SOX5: variants seen among roughly 807,000 people sequenced by gnomAD.
SOX5 encodes the protein transcription factor SOX-5.
In SOX5, 9 loss-of-function variants were observed where a neutral mutation model predicts 92.0. The ratio of observed to expected loss-of-function variants is 0.10; its 90% CI spans 0.06 to 0.17. SOX5 has a LOEUF of 0.17. SOX5 is among the 10% of genes least tolerant of loss of function. SOX5 has a pLI of 1.00. For missense variants in SOX5, 642 were observed against 944.5 expected (o/e 0.68, Z 4.20); for synonymous variants, 344 against 336.3 (o/e 1.02, Z -0.25).
intron 7 of SOX5, among the ~76,000 whole-genome samples, chr12:23,648,641 G>A (rs1383633889): frequency 6.6e-6 from 1 of 152,254 alleles, no homozygotes; most frequent in East Asian, 1.9e-4. Context: ...AGGCTGCAAA[G>A]AGTGGTATCA....
intron 4 of SOX5, among the ~76,000 whole-genome samples, chr12:24,104,426 A>G (rs1003760864): frequency 6.6e-6 from 1 of 152,224 alleles, no homozygotes; most frequent in Non-Finnish European, 1.5e-5. Flanking sequence ...ATACACACCT[A>G]TAAGATACCA....
At chr12:24,339,163 C>CCACACACA (rs56243419) in intron 2 of SOX5, among the ~76,000 whole-genome samples, 10,553 of 140,352 alleles carry the variant, frequency 0.075, 493 homozygotes, top group African/African-American at 0.12. Context: ...TCTCTCTCTG[C>CCACACACA]CACACACACA....
At chr12:24,424,719 C>G (rs1367685006) in intron 1 of SOX5, among the ~76,000 whole-genome samples, 2 of 150,822 alleles carry the variant, frequency 1.3e-5, no homozygotes, top group African/African-American at 4.9e-5. Flanking sequence ...GAATTTTGAT[C>G]TTAAGGCAAC....
At chr12:24,466,164 G>A (rs146839595) in intron 1 of SOX5, among the ~76,000 whole-genome samples, 170 of 152,208 alleles carry the variant, frequency 1.1e-3, no homozygotes, top group African/African-American at 3.8e-3. Flanking sequence ...ACAGATCTGA[G>A]AAAGCCCTCA....
intron 6 of SOX5, among the ~76,000 whole-genome samples, chr12:23,677,423 A>T (rs1250695099): frequency 6.6e-6 from 1 of 152,202 alleles, no homozygotes; most frequent in African/African-American, 2.4e-5. Context: ...TCAAATTGAG[A>T]CACTGTGTGC....
chr12:24,204,689 G>T (rs1333860520), intron 4 of SOX5, among the ~76,000 whole-genome samples: 3 of 152,132 alleles, frequency 2.0e-5, no homozygotes, highest in Non-Finnish European at 4.4e-5. Flanking sequence ...AAGTGGCATT[G>T]CTGGGTCAAA....
chr12:24,065,475 T>A (rs996061350), intron 4 of SOX5, among the ~76,000 whole-genome samples: 3 of 151,680 alleles, frequency 2.0e-5, no homozygotes, highest in Admixed American at 1.3e-4. Context: ...GGTGAAACCC[T>A]GTCTCTACTA....
chr12:23,796,406 T>G (rs1206522938), intron 3 of SOX5, among the ~76,000 whole-genome samples: 1 of 152,050 alleles, frequency 6.6e-6, no homozygotes, highest in Non-Finnish European at 1.5e-5. Context: ...GAATGAGTAG[T>G]TTGAATTTCA....
chr12:24,253,271 T>C (rs939844808), intron 3 of SOX5, among the ~76,000 whole-genome samples: 1 of 52,532 alleles, frequency 1.9e-5, no homozygotes, highest in African/African-American at 9.1e-5. Flanking sequence ...CGTGCACATC[T>C]TTTTTTTTTT....
chr12:24,316,733 T>C (rs1348736574), intron 2 of SOX5, among the ~76,000 whole-genome samples: 1 of 152,222 alleles, frequency 6.6e-6, no homozygotes, highest in Non-Finnish European at 1.5e-5. Context: ...TAAATTTTTT[T>C]AAGTTAAAAA....
chr12:24,209,606 T>G (rs1357466640), intron 4 of SOX5, among the ~76,000 whole-genome samples: 1 of 152,180 alleles, frequency 6.6e-6, no homozygotes, highest in African/African-American at 2.4e-5. Context: ...TGGTAAATAC[T>G]TATTTGGCAA....
chr12:24,065,013 C>A (rs1327937386), intron 4 of SOX5, among the ~76,000 whole-genome samples: 1 of 152,174 alleles, frequency 6.6e-6, no homozygotes, highest in Non-Finnish European at 1.5e-5. Context: ...TCCTTAATCA[C>A]CAGATGCTTT....
intron 3 of SOX5, among the ~76,000 whole-genome samples, chr12:23,787,175 C>T (rs2095395578): frequency 6.6e-6 from 1 of 151,914 alleles, no homozygotes; most frequent in Non-Finnish European, 1.5e-5. Flanking sequence ...GCATTAGATA[C>T]TCATTAAAAC....
At chr12:24,063,565 T>G (rs1408674879) in intron 4 of SOX5, among the ~76,000 whole-genome samples, 6 of 152,234 alleles carry the variant, frequency 3.9e-5, no homozygotes, top group Admixed American at 3.9e-4. Flanking sequence ...AAGAGATGCT[T>G]GCCACTTTCA....
intron 2 of SOX5, among the ~76,000 whole-genome samples, chr12:23,849,691 A>T (rs1227359717): frequency 2.0e-5 from 3 of 152,222 alleles, no homozygotes; most frequent in Admixed American, 6.5e-5. Flanking sequence ...CAAATGAGAT[A>T]TATGCATTTA....
At chr12:24,064,493 T>C (rs1480481525) in intron 4 of SOX5, among the ~76,000 whole-genome samples, 3 of 152,246 alleles carry the variant, frequency 2.0e-5, no homozygotes, top group Admixed American at 2.0e-4. Context: ...CAAACTGTTT[T>C]CAAATATATG....
At chr12:24,029,728 T>C (rs1458918459) in intron 4 of SOX5, among the ~76,000 whole-genome samples, 1 of 152,044 alleles carries the variant, frequency 6.6e-6, no homozygotes, top group Non-Finnish European at 1.5e-5. Context: ...CCTTATGCTC[T>C]TTTAAGTTCA....
chr12:23,655,347 T>G (rs2082177294), intron 7 of SOX5, among the ~76,000 whole-genome samples: 1 of 152,102 alleles, frequency 6.6e-6, no homozygotes, highest in Admixed American at 6.6e-5. Flanking sequence ...ACAAGAATCA[T>G]GAATTATGGA....
At chr12:24,372,634 G>A (rs1204892874) in intron 1 of SOX5, among the ~76,000 whole-genome samples, 1 of 151,918 alleles carries the variant, frequency 6.6e-6, no homozygotes, top group Non-Finnish European at 1.5e-5. Flanking sequence ...TAATCCTTTG[G>A]GTATATACCC....
Sources: allele counts gnomAD v4.1 joint callset (sites outside exome capture counted in the v4.1 genomes callset), GRCh38; gene constraint gnomAD v4.1.1; transcripts MANE v1.5; gene names NCBI Gene and HGNC (gene_info 2026-07-23, HGNC 2026-07-21).